PEBP4: variants seen among roughly 807,000 people sequenced by gnomAD.
PEBP4 encodes phosphatidylethanolamine-binding protein 4.
PEBP4 carries 22 observed loss-of-function variants against 23.9 expected under a neutral mutation model. The ratio of observed to expected loss-of-function variants is 0.92; its 90% CI spans 0.66 to 1.31. The LOEUF (loss-of-function observed/expected upper bound fraction) is 1.31. Among genes scored for constraint, PEBP4 ranks in the 40% most tolerant of loss-of-function variants. The probability of loss-of-function intolerance (pLI) is 0.00; values close to 1 mark genes in which losing one functional copy is unlikely to be tolerated. For missense variants in PEBP4, 324 were observed against 281.7 expected, an observed-to-expected ratio of 1.15 and a Z score of -1.07; for synonymous variants, 112 against 99.3, an observed-to-expected ratio of 1.13 and a Z score of -0.76.
intron 6 of PEBP4, among the ~76,000 whole-genome samples, chr8:22,713,783 C>T (rs1464019292): frequency 6.6e-6 from 1 of 152,214 alleles, no homozygotes; most frequent in Non-Finnish European, 1.5e-5. Flanking sequence ...AGAGCCCAGC[C>T]CCAGTTGAGA....
intron 3 of PEBP4, among the ~76,000 whole-genome samples, chr8:22,902,121 C>G (rs1808724661): frequency 6.6e-6 from 1 of 151,994 alleles, no homozygotes; most frequent in Non-Finnish European, 1.5e-5. Context: ...GAGTTTGAGA[C>G]CAGCCTTACC....
chr8:22,826,033 G>A (rs1013078900), intron 3 of PEBP4, among the ~76,000 whole-genome samples: 23 of 152,176 alleles, frequency 1.5e-4, no homozygotes, highest in Admixed American at 6.5e-5. Flanking sequence ...TTGGCGTGGG[G>A]TGGTGGGGGG....
intron 5 of PEBP4, among the ~76,000 whole-genome samples, chr8:22,726,326 G>A (rs1320582280): frequency 6.6e-6 from 1 of 152,218 alleles, no homozygotes; most frequent in Non-Finnish European, 1.5e-5. Context: ...GTGTGGGCAT[G>A]TGGGCTGTGG....
intron 4 of PEBP4, among the ~76,000 whole-genome samples, chr8:22,810,979 G>A (rs921307406): frequency 1.9e-4 from 28 of 150,626 alleles, no homozygotes; most frequent in Admixed American, 1.7e-3. Flanking sequence ...CTCTATACAC[G>A]CTTGCCATAA....
intron 4 of PEBP4, among the ~76,000 whole-genome samples, chr8:22,813,401 T>C (rs752834223): frequency 3.3e-5 from 5 of 152,248 alleles, no homozygotes; most frequent in African/African-American, 4.8e-5. Flanking sequence ...TTGTTCTTAG[T>C]GTTCTTTGTC....
chr8:22,804,601 C>T (rs967211659), intron 4 of PEBP4, among the ~76,000 whole-genome samples: 2 of 152,166 alleles, frequency 1.3e-5, no homozygotes, highest in Non-Finnish European at 2.9e-5. Context: ...ACTTAATCAT[C>T]TTACATTACT....
At chr8:22,780,086 C>T (rs2128755112) in intron 4 of PEBP4, among the ~76,000 whole-genome samples, 1 of 151,984 alleles carries the variant, frequency 6.6e-6, no homozygotes, top group Admixed American at 6.6e-5. Flanking sequence ...GTAGCTGGGA[C>T]CACAGGTGCT....
intron 6 of PEBP4, among the ~76,000 whole-genome samples, chr8:22,721,898 GT>G (rs1290195999): frequency 6.6e-6 from 1 of 152,164 alleles, no homozygotes; most frequent in African/African-American, 2.4e-5. Flanking sequence ...GGCCCTGAGT[GT>G]TTCAACATCG....
intron 4 of PEBP4, among the ~76,000 whole-genome samples, chr8:22,788,310 G>C (rs1367007136): frequency 6.6e-6 from 1 of 152,072 alleles, no homozygotes; most frequent in Admixed American, 6.6e-5. Context: ...CTGCCAGGGG[G>C]ACAAAGAAGG....
intron 4 of PEBP4, among the ~76,000 whole-genome samples, chr8:22,770,532 T>C (rs972693026): frequency 6.6e-6 from 1 of 152,244 alleles, no homozygotes. Flanking sequence ...AGTGAATCTC[T>C]GGGTGGGTTG....
At chr8:22,781,990 A>C (rs1401318021) in intron 4 of PEBP4, among the ~76,000 whole-genome samples, 2 of 152,106 alleles carry the variant, frequency 1.3e-5, no homozygotes, top group Admixed American at 1.3e-4. Flanking sequence ...CCCCCTCTTT[A>C]ATCTCAGCAG....
At chr8:22,849,201 C>CT in intron 3 of PEBP4, among the ~76,000 whole-genome samples, 1 of 152,054 alleles carries the variant, frequency 6.6e-6, no homozygotes, top group Non-Finnish European at 1.5e-5. Context: ...GGCTATTAAA[C>CT]TTATTCATCC....
At chr8:22,764,424 T>A (rs1253158443) in intron 4 of PEBP4, among the ~76,000 whole-genome samples, 1 of 152,000 alleles carries the variant, frequency 6.6e-6, no homozygotes, top group Non-Finnish European at 1.5e-5. Flanking sequence ...CGCTTCAGGG[T>A]GCACTAAGTT....
chr8:22,808,230 G>GCCAT (rs139934006), intron 4 of PEBP4, among the ~76,000 whole-genome samples: 1,619 of 142,678 alleles, frequency 0.011, 32 homozygotes, highest in East Asian at 0.048. Context: ...CCAACCTCTA[G>GCCAT]CCATCCATCC....
intron 3 of PEBP4, among the ~76,000 whole-genome samples, chr8:22,842,011 G>A (rs1433483739): frequency 6.6e-6 from 1 of 152,250 alleles, no homozygotes; most frequent in Non-Finnish European, 1.5e-5. Flanking sequence ...AGGAGACGAG[G>A]TATGTTCAAA....
At chr8:22,888,464 G>C (rs887349400) in intron 3 of PEBP4, among the ~76,000 whole-genome samples, 2 of 152,132 alleles carry the variant, frequency 1.3e-5, no homozygotes. Context: ...TAAAAGGACC[G>C]GCCACGGGAG....
intron 4 of PEBP4, among the ~76,000 whole-genome samples, chr8:22,807,795 CTCCATCCATTTA>C (rs1806530049): frequency 6.6e-6 from 1 of 152,064 alleles, no homozygotes; most frequent in African/African-American, 2.4e-5. Context: ...AAACCTCCAC[CTCCATCCATTTA>C]TCCATCCATC....
At chr8:22,814,932 A>G (rs940649396) in intron 4 of PEBP4, 1 of 152,054 alleles carries the variant, frequency 6.6e-6, no homozygotes, top group South Asian at 2.1e-4. Context: ...TCCTTGTTAT[A>G]GAGAGGGGAT....
Position 22,865,196 on chromosome 8 carries a change from A to G in PEBP4, c.259-47461T>C, listed in dbSNP as rs1021843921. Among the ~76,000 whole-genome samples, 3 of 146,266 alleles carry G rather than the reference A, an allele frequency of 2.1e-5. No individual in the cohort carries two copies. The highest frequency in any genetic ancestry group is 5.0e-5 in the African/African-American group (2 of 39,848). On this transcript the variant is annotated intron_variant, in intron 3 of 6. Transcript: ENST00000256404. The surrounding 1 kb of genome is among the most constrained non-coding windows in gnomAD (Gnocchi z 6.9). The stretch of plus-strand genomic sequence containing the variant: ...TCTCCTGTGACTCAGGTCTGACTCA[A>G]TGCCATTTCTGAAACAGCCTGGGGG...
Sources: gnomAD v4.1 joint callset for allele counts (sites outside exome capture counted in the v4.1 genomes callset) on GRCh38, gnomAD v4.1.1 for gene constraint, Gnocchi (gnomAD v3.1) non-coding constraint, MANE v1.5 for transcripts, NCBI Gene and HGNC (gene_info 2026-07-23, HGNC 2026-07-21) for gene names.